The following CHSY3 variants were observed in gnomAD, a reference collection of about 807,000 sequenced individuals.
CHSY3 encodes chondroitin sulfate synthase 3.
CHSY3 carries 35 observed loss-of-function variants against 67.2 expected under a neutral mutation model. That is an observed-to-expected ratio of 0.52 (90% CI 0.40 to 0.69). The LOEUF (loss-of-function observed/expected upper bound fraction) is 0.69. CHSY3 is among the 30% of genes least tolerant of loss of function. The pLI, the probability that CHSY3 is intolerant of heterozygous loss-of-function variation, is 0.00. For missense variants in CHSY3, 1,069 were observed against 1,138.5 expected (o/e 0.94, Z 0.88); for synonymous variants, 474 against 434.7 (o/e 1.09, Z -1.12).
rs1161082494 is a variant in CHSY3 at position 130,184,917 on chromosome 5, A to C, written c.1775A>C (p.Gln592Pro). Residue 592 changes from glutamine (Q) to proline (P), a missense_variant, in exon 3 of 3, where the codon CAG becomes CCG. Gln to Pro is a moderately conservative substitution (Grantham distance 76, BLOSUM62 -1). Coordinates refer to ENST00000305031, the MANE Select transcript of CHSY3 (RefSeq NM_175856.5). ...SLVESINSET[Q>P]SFSFISNSLK... ...GTGGAGAGTATTAACAGTGAAACTC[A>C]GTCATTCTCCTTTATATCTAATTCT... The C allele has an allele frequency of 6.5e-7, 1 of 1,546,646 alleles. No individual in the cohort carries two copies. The highest frequency in any genetic ancestry group is 1.4e-5 in the African/African-American group (1 of 73,482).
intron 2 of CHSY3, among the ~76,000 whole-genome samples, chr5:130,177,678 C>T (rs1030522192): frequency 3.3e-5 from 5 of 152,102 alleles, no homozygotes; most frequent in African/African-American, 1.2e-4. Context: ...TCTAACATAT[C>T]CTCTGCCTCA....
Position 130,106,169 on chromosome 5 carries a change from C to T in CHSY3, c.1087-78060C>T, listed in dbSNP as rs983005471. 4.0e-4 allele frequency among the ~76,000 whole-genome samples: 60 copies of T among 151,624 alleles called. 1 individual carries two copies. Among genetic ancestry groups the T allele is most frequent in the Middle Eastern group, 3.4e-3 (1 of 294 alleles). ...TGTTATTTTACTGTACCACGTGATA[C>T]ATTTGTAATATAAATTCTGTGATAA... On this transcript the variant is annotated intron_variant, in intron 2 of 2. Coordinates refer to ENST00000305031, the MANE Select transcript of CHSY3 (RefSeq NM_175856.5).
At chr5:130,106,953 G>A (rs1330253489) in intron 2 of CHSY3, among the ~76,000 whole-genome samples, 1 of 151,374 alleles carries the variant, frequency 6.6e-6, no homozygotes, top group African/African-American at 2.4e-5. Context: ...TTGACAATTT[G>A]TTATGCTTTG....
intron 2 of CHSY3, among the ~76,000 whole-genome samples, chr5:130,101,137 C>G (rs1455718437): frequency 6.6e-6 from 1 of 152,204 alleles, no homozygotes; most frequent in African/African-American, 2.4e-5. Context: ...TTTCTTCATA[C>G]TCTTATTTTC....
intron 2 of CHSY3, among the ~76,000 whole-genome samples, chr5:129,984,285 G>T (rs151128441): frequency 6.6e-6 from 1 of 152,184 alleles, no homozygotes; most frequent in African/African-American, 2.4e-5. Flanking sequence ...GTGGTACTTG[G>T]TTTTCTATTC....
At chr5:129,941,740 C>T (rs1049663169) in intron 2 of CHSY3, among the ~76,000 whole-genome samples, 1 of 152,126 alleles carries the variant, frequency 6.6e-6, no homozygotes, top group African/African-American at 2.4e-5. Context: ...TAATTCAGTT[C>T]TCATGCTCTC....
At chr5:130,164,459 A>C (rs945238309) in intron 2 of CHSY3, among the ~76,000 whole-genome samples, 1 of 152,128 alleles carries the variant, frequency 6.6e-6, no homozygotes, top group African/African-American at 2.4e-5. Context: ...AGAGGAAACT[A>C]TATTTGTTTC....
At chr5:129,921,251 A>G (rs1483879541) in intron 2 of CHSY3, among the ~76,000 whole-genome samples, 1 of 152,180 alleles carries the variant, frequency 6.6e-6, no homozygotes, top group Non-Finnish European at 1.5e-5. Flanking sequence ...TAAAACATGT[A>G]CTATGCACAA....
chr5:130,060,401 G>C (rs1229511093), intron 2 of CHSY3, among the ~76,000 whole-genome samples: 1 of 152,024 alleles, frequency 6.6e-6, no homozygotes, highest in Non-Finnish European at 1.5e-5. Flanking sequence ...ACTATGCATA[G>C]ACAGAGCATA....
In CHSY3 at chr5:129,993,917, AATCTCTCAGC is replaced by A. The variant is rs1425697813; in HGVS notation, c.1086+85560_1086+85569del. Among the ~76,000 whole-genome samples the A allele has an allele frequency of 2.9e-3, 441 of 152,070 alleles. 4 individuals carry two copies. Among genetic ancestry groups the A allele is most frequent in the African/African-American group, 0.01 (418 of 41,526 alleles). ...TTAGGGCAGGCCTGGTGGTGACAAA[AATCTCTCAGC>A]ATTTGCTTGTCTGTAAAGGATTTTA... On this transcript the variant is annotated intron_variant, in intron 2 of 2. Transcript: ENST00000305031.
At chr5:130,173,259 CAA>C (rs973997699) in intron 2 of CHSY3, among the ~76,000 whole-genome samples, 2 of 151,930 alleles carry the variant, frequency 1.3e-5, no homozygotes, top group Non-Finnish European at 2.9e-5. Flanking sequence ...AGACAAGAGA[CAA>C]AATATTTTAT....
chr5:129,913,304 A>T (rs1430746838), intron 2 of CHSY3, among the ~76,000 whole-genome samples: 1 of 152,216 alleles, frequency 6.6e-6, no homozygotes, highest in Non-Finnish European at 1.5e-5. Context: ...TAGATAATGC[A>T]CATATTGCAA....
chr5:129,905,570 C>T lies in CHSY3; in HGVS notation c.741C>T (p.His247=), dbSNP rs141581725. The T allele has an allele frequency of 1.1e-5, 17 of 1,613,706 alleles. No individual in the cohort carries two copies. In the African/African-American group the frequency reaches 1.5e-4, roughly 14 times the overall value. ...CCTTCATGATGATCAAGTACATGCACGACCACTACCTGGACAAGTATGAGT... is the reference window on the plus strand; with the variant it reads ...CCTTCATGATGATCAAGTACATGCATGACCACTACCTGGACAAGTATGAGT... The part of the protein sequence containing the change: ...KKSFMMIKYM[H]DHYLDKYEWF... The change falls in exon 1 of 3, where the codon CAC becomes CAT. Residue 247 remains histidine (H), a synonymous_variant. Coordinates refer to ENST00000305031, the MANE Select transcript of CHSY3 (RefSeq NM_175856.5).
rs1422503438 is a variant in CHSY3 at position 130,122,161 on chromosome 5, A to T, written c.1087-62068A>T. Among the ~76,000 whole-genome samples, 5 of 149,438 alleles carry T rather than the reference A, an allele frequency of 3.3e-5. No homozygotes were observed. The South Asian group carries it at 1.0e-3, about 31-fold the overall frequency. ...CAATTGATATAATAGCTCAACAAAT[A>T]TATACATATATACATACATACATGC... On this transcript the variant is annotated intron_variant, in intron 2 of 2. Coordinates refer to ENST00000305031, the MANE Select transcript of CHSY3 (RefSeq NM_175856.5).
chr5:129,926,860 C>T (rs1761130833), intron 2 of CHSY3, among the ~76,000 whole-genome samples: 1 of 151,746 alleles, frequency 6.6e-6, no homozygotes, highest in Non-Finnish European at 1.5e-5. Flanking sequence ...ATATTCAATT[C>T]ACTAACTTCT....
At chr5:130,067,882 G>A (rs1765933994) in intron 2 of CHSY3, among the ~76,000 whole-genome samples, 1 of 151,942 alleles carries the variant, frequency 6.6e-6, no homozygotes, top group African/African-American at 2.4e-5. Context: ...ATGTTACATA[G>A]GTTCCCCAAA....
At chr5:129,995,137 G>T (rs1763497359) in intron 2 of CHSY3, among the ~76,000 whole-genome samples, 1 of 152,102 alleles carries the variant, frequency 6.6e-6, no homozygotes, top group Non-Finnish European at 1.5e-5. Context: ...CCACCCTAGT[G>T]ATGTGTAGAG....
At chr5:129,989,246 G>C (rs1240404772) in intron 2 of CHSY3, among the ~76,000 whole-genome samples, 2 of 142,286 alleles carry the variant, frequency 1.4e-5, no homozygotes, top group Admixed American at 7.8e-5. Flanking sequence ...GAAAGCAAGA[G>C]GGCAACAAAC....
intron 2 of CHSY3, among the ~76,000 whole-genome samples, chr5:130,147,927 T>A (rs1438699356): frequency 6.7e-6 from 1 of 150,326 alleles, no homozygotes; most frequent in African/African-American, 2.4e-5. Flanking sequence ...TCATGGGGGG[T>A]TGTTGTACAG....
Sources: gnomAD v4.1 joint callset for allele counts (sites outside exome capture counted in the v4.1 genomes callset) on GRCh38, gnomAD v4.1.1 for gene constraint, MANE v1.5 for transcripts, NCBI Gene and HGNC (gene_info 2026-07-23, HGNC 2026-07-21) for gene names.